SMYD3: variants seen among roughly 807,000 people sequenced by gnomAD.
SMYD3 encodes the protein SET and MYND domain containing 3, also known as histone-lysine N-methyltransferase SMYD3.
A neutral mutation model predicts 57.7 loss-of-function variants in SMYD3; 36 were observed. That is an observed-to-expected ratio of 0.62 (90% CI 0.48 to 0.82). SMYD3 has a LOEUF of 0.82. Among genes scored for constraint, SMYD3 ranks in the 40% least tolerant of loss-of-function variants. The pLI, the probability that SMYD3 is intolerant of heterozygous loss-of-function variation, is 0.00. For missense variants in SMYD3, 515 were observed against 538.8 expected (o/e 0.96, Z 0.44); for synonymous variants, 211 against 195.0 (o/e 1.08, Z -0.68).
At chr1:245,920,078 C>T (rs1333479439) in intron 7 of SMYD3, among the ~76,000 whole-genome samples, 5 of 152,074 alleles carry the variant, frequency 3.3e-5, no homozygotes, top group African/African-American at 1.2e-4. Context: ...CTTTGGGAGG[C>T]CAAGGCGGTA....
intron 5 of SMYD3, among the ~76,000 whole-genome samples, chr1:246,144,707 A>G (rs2061815657): frequency 6.6e-6 from 1 of 152,354 alleles, no homozygotes; most frequent in African/African-American, 2.4e-5. Flanking sequence ...ATCATTTCAT[A>G]GAACTATCCA....
intron 5 of SMYD3, among the ~76,000 whole-genome samples, chr1:246,280,896 G>A (rs1283736533): frequency 1.3e-5 from 2 of 152,168 alleles, no homozygotes; most frequent in East Asian, 3.8e-4. Flanking sequence ...ATGGCTAGTT[G>A]TACCAAATTC....
At chr1:245,795,421 T>C (rs184337176) in intron 10 of SMYD3, among the ~76,000 whole-genome samples, 88 of 152,318 alleles carry the variant, frequency 5.8e-4, no homozygotes, top group African/African-American at 2.0e-3. Context: ...AGAGTACATA[T>C]CTAGTCCCTG....
intron 1 of SMYD3, among the ~76,000 whole-genome samples, chr1:246,496,456 T>G (rs2068365387): frequency 6.6e-6 from 1 of 152,218 alleles, no homozygotes; most frequent in Non-Finnish European, 1.5e-5. Flanking sequence ...TCTTATTTAT[T>G]TTTGCTGCAA....
At chr1:246,301,614 G>A (rs919784266) in intron 5 of SMYD3, among the ~76,000 whole-genome samples, 4 of 152,146 alleles carry the variant, frequency 2.6e-5, no homozygotes, top group Non-Finnish European at 5.9e-5. Context: ...GAAATATAAT[G>A]TTACGTGCTA....
chr1:245,949,153 C>T (rs2057529646), intron 5 of SMYD3, among the ~76,000 whole-genome samples: 1 of 152,180 alleles, frequency 6.6e-6, no homozygotes, highest in Non-Finnish European at 1.5e-5. Flanking sequence ...CGCCCATTGC[C>T]CAGACGCCCA....
At chr1:246,236,594 T>G (rs1446283897) in intron 5 of SMYD3, among the ~76,000 whole-genome samples, 1 of 152,066 alleles carries the variant, frequency 6.6e-6, no homozygotes, top group Non-Finnish European at 1.5e-5. Context: ...TTTTGTATTT[T>G]TAGTAGAGAC....
intron 5 of SMYD3, among the ~76,000 whole-genome samples, chr1:246,192,111 G>A (rs947791714): frequency 3.3e-5 from 5 of 152,122 alleles, no homozygotes; most frequent in African/African-American, 1.2e-4. Flanking sequence ...TTTTGTTGCT[G>A]TTGTTGAAAC....
chr1:246,436,900 C>CTTTTTTTTTTT (rs61263648), intron 1 of SMYD3, among the ~76,000 whole-genome samples: 1 of 128,438 alleles, frequency 7.8e-6, no homozygotes, highest in South Asian at 2.6e-4. Flanking sequence ...GAGTTTCTTT[C>CTTTTTTTTTTT]TTTTTTTTTT....
At chr1:246,218,620 C>CAAAAAA (rs551976972) in intron 5 of SMYD3, among the ~76,000 whole-genome samples, 1 of 127,386 alleles carries the variant, frequency 7.9e-6, no homozygotes, top group Non-Finnish European at 1.7e-5. Context: ...GACTCCGTCT[C>CAAAAAA]AAAAAAAAAA....
In SMYD3 at chr1:246,395,742, C is replaced by G. The variant is rs111763010; in HGVS notation, c.165-40648G>C. ...GAACACACCAGTCAGACAGGGAAGA[C>G]GAACCCACCACAGTCAGACAGGGAA... On this transcript the variant is annotated intron_variant, in intron 1 of 11. Transcript: ENST00000490107. 2.4e-3 allele frequency among the ~76,000 whole-genome samples: 261 copies of G among 110,030 alleles called. 3 individuals carry two copies. Among genetic ancestry groups the G allele is most frequent in the African/African-American group, 4.8e-3 (134 of 27,782 alleles). The allele number at this position is 110,030 out of a possible 152,430, so 72.2% of individuals were successfully genotyped here. A position where few individuals can be genotyped will look rare whatever the true frequency, so the allele number is the denominator to read the frequency against.
intron 5 of SMYD3, among the ~76,000 whole-genome samples, chr1:246,103,507 C>T (rs1164490640): frequency 6.6e-6 from 1 of 151,968 alleles, no homozygotes; most frequent in Non-Finnish European, 1.5e-5. Context: ...CACTCATTCA[C>T]TTTCACCTCT....
intron 5 of SMYD3, chr1:246,111,674 A>C (rs986834109): frequency 3.9e-5 from 6 of 152,282 alleles, no homozygotes; most frequent in African/African-American, 1.4e-4. Context: ...CCCCTCAAAT[A>C]ACCAAAACGG....
At chr1:246,386,431 G>C (rs1402346736) in intron 1 of SMYD3, among the ~76,000 whole-genome samples, 1 of 152,126 alleles carries the variant, frequency 6.6e-6, no homozygotes, top group Non-Finnish European at 1.5e-5. Context: ...ATTACTGGTA[G>C]ACTAAACATT....
At chr1:246,506,937 C>G (rs1024887249) in intron 1 of SMYD3, 117 bp downstream of exon 1, 1 of 984,718 alleles carries the variant, frequency 1.0e-6, no homozygotes. Context: ...CACCGCCAAG[C>G]TGCCTGTGCA....
chr1:246,077,536 T>TAAAA (rs5782380), intron 5 of SMYD3, among the ~76,000 whole-genome samples: 1 of 150,148 alleles, frequency 6.7e-6, no homozygotes. Context: ...ATTTAAAATT[T>TAAAA]AAAAAAAAGA....
intron 5 of SMYD3, among the ~76,000 whole-genome samples, chr1:246,138,671 C>G (rs866125571): frequency 1.9e-5 from 2 of 107,126 alleles, no homozygotes; most frequent in African/African-American, 5.1e-5. Context: ...GTGATCCGCC[C>G]GCCTCGGCCT....
chr1:245,929,444 G>T (rs751428738), intron 6 of SMYD3, among the ~76,000 whole-genome samples: 2 of 152,166 alleles, frequency 1.3e-5, no homozygotes, highest in Non-Finnish European at 2.9e-5. Flanking sequence ...GAGTTTTCTT[G>T]CCTCCTTGAG....
intron 10 of SMYD3, among the ~76,000 whole-genome samples, chr1:245,820,780 G>A (rs1352650954): frequency 1.3e-5 from 2 of 150,576 alleles, no homozygotes; most frequent in Admixed American, 1.3e-4. Context: ...AATCATGAGT[G>A]AACTCCCATT....
Sources: allele counts gnomAD v4.1 joint callset (sites outside exome capture counted in the v4.1 genomes callset), GRCh38; gene constraint gnomAD v4.1.1; transcripts MANE v1.5; gene names NCBI Gene and HGNC (gene_info 2026-07-23, HGNC 2026-07-21).